The following MYO16 variants were observed in gnomAD, a reference collection of about 807,000 sequenced individuals.
MYO16 encodes unconventional myosin-XVI.
In MYO16, 94 loss-of-function variants were observed where a neutral mutation model predicts 205.3. The observed-to-expected ratio is 0.46, with a 90% CI of 0.39 to 0.54. The LOEUF (loss-of-function observed/expected upper bound fraction) is 0.54. Among genes scored for constraint, MYO16 ranks in the 20% least tolerant of loss-of-function variants. MYO16 has a pLI of 0.00. For synonymous variants in MYO16, 988 were observed against 954.0 expected, an observed-to-expected ratio of 1.04 and a Z score of -0.66; for missense variants, 2,315 against 2,387.5, an observed-to-expected ratio of 0.97 and a Z score of 0.63.
chr13:108,598,133 G>A (rs9587626), intron 1 of MYO16, among the ~76,000 whole-genome samples: 39,150 of 152,084 alleles, frequency 0.26, 5,169 homozygotes, highest in Middle Eastern at 0.33. Flanking sequence ...CAATATCAGC[G>A]TTACTTTCAT....
chr13:109,190,149 A>G (rs1047489215), intron 34 of MYO16, among the ~76,000 whole-genome samples: 1 of 152,196 alleles, frequency 6.6e-6, no homozygotes, highest in East Asian at 1.9e-4. Context: ...TTAAGGAAAA[A>G]AAAATTATTT....
intron 27 of MYO16, among the ~76,000 whole-genome samples, chr13:109,096,680 T>C (rs985437730): frequency 1.3e-5 from 2 of 152,206 alleles, no homozygotes; most frequent in South Asian, 4.1e-4. Flanking sequence ...ATCAGTTATT[T>C]AAACTTGCTA....
chr13:109,116,235 G>A (rs1231699289), intron 28 of MYO16, among the ~76,000 whole-genome samples: 7 of 152,120 alleles, frequency 4.6e-5, no homozygotes, highest in Middle Eastern at 3.2e-3. Context: ...CTTGTATTGT[G>A]ACTTCAGATC....
chr13:108,924,337 C>G (rs1881883343), intron 16 of MYO16, among the ~76,000 whole-genome samples: 1 of 152,170 alleles, frequency 6.6e-6, no homozygotes, highest in African/African-American at 2.4e-5. Context: ...TCCTGCTTTT[C>G]TGAGTCACGG....
At chr13:109,039,046 C>G (rs1886802236) in intron 23 of MYO16, among the ~76,000 whole-genome samples, 1 of 152,178 alleles carries the variant, frequency 6.6e-6, no homozygotes, top group Admixed American at 6.5e-5. Flanking sequence ...CACTGCTCAT[C>G]CCACAGCCAG....
At chr13:108,934,987 G>A (rs1023031607) in intron 16 of MYO16, among the ~76,000 whole-genome samples, 3 of 152,216 alleles carry the variant, frequency 2.0e-5, no homozygotes, top group Non-Finnish European at 2.9e-5. Flanking sequence ...CTATGTGTCT[G>A]TTTTTGTACC....
chr13:108,854,262 T>G (rs1878053712), intron 10 of MYO16, among the ~76,000 whole-genome samples: 1 of 152,102 alleles, frequency 6.6e-6, no homozygotes, highest in Non-Finnish European at 1.5e-5. Flanking sequence ...CTCCCTGTGC[T>G]GGGATTACAG....
At chr13:109,092,405 A>T (rs373506436) in intron 27 of MYO16, among the ~76,000 whole-genome samples, 2 of 152,248 alleles carry the variant, frequency 1.3e-5, no homozygotes, top group African/African-American at 4.8e-5. Context: ...GCAGCCATAA[A>T]AAAGAATGAG....
intron 20 of MYO16, among the ~76,000 whole-genome samples, chr13:108,976,954 C>G (rs982113703): frequency 2.6e-5 from 4 of 152,126 alleles, no homozygotes; most frequent in African/African-American, 9.7e-5. Context: ...CAACTAAAAG[C>G]CAAGATTCCT....
intron 23 of MYO16, among the ~76,000 whole-genome samples, chr13:109,033,144 C>T (rs1390951006): frequency 6.6e-6 from 1 of 152,132 alleles, no homozygotes; most frequent in Non-Finnish European, 1.5e-5. Context: ...TGTGCACTTA[C>T]TGAACTACAG....
intron 11 of MYO16, among the ~76,000 whole-genome samples, chr13:108,859,681 A>C (rs1168585432): frequency 1.3e-5 from 2 of 152,214 alleles, no homozygotes; most frequent in Non-Finnish European, 2.9e-5. Context: ...CAAGCGTTGC[A>C]TTCTCTGAAT....
At chr13:108,631,551 T>C (rs1490459694) in intron 1 of MYO16, among the ~76,000 whole-genome samples, 1 of 152,194 alleles carries the variant, frequency 6.6e-6, no homozygotes, top group Non-Finnish European at 1.5e-5. Flanking sequence ...TCCTGATGCA[T>C]TTCTGAAAGT....
intron 1 of MYO16, among the ~76,000 whole-genome samples, chr13:108,649,662 A>G (rs150139906): frequency 1.4e-4 from 22 of 152,356 alleles, no homozygotes; most frequent in African/African-American, 5.0e-4. Flanking sequence ...TTATTTGTAT[A>G]CCATTATTCT....
intron 27 of MYO16, among the ~76,000 whole-genome samples, chr13:109,100,402 T>C (rs772151980): frequency 6.6e-5 from 10 of 152,208 alleles, no homozygotes; most frequent in Admixed American, 1.3e-4. Flanking sequence ...CACGCTTAAG[T>C]GGCCATAAAG....
At chr13:108,606,978 G>C (rs1280082563) in intron 1 of MYO16, among the ~76,000 whole-genome samples, 1 of 152,212 alleles carries the variant, frequency 6.6e-6, no homozygotes, top group Non-Finnish European at 1.5e-5. Flanking sequence ...TAACTTTAAA[G>C]TTTAATGATT....
intron 27 of MYO16, among the ~76,000 whole-genome samples, chr13:109,080,379 C>T (rs576118386): frequency 2.0e-5 from 3 of 152,030 alleles, no homozygotes; most frequent in South Asian, 2.1e-4. Context: ...GAAGTGGAGG[C>T]GAGTCCTATA....
intron 2 of MYO16, among the ~76,000 whole-genome samples, chr13:108,692,821 A>C (rs1882950139): frequency 6.6e-6 from 1 of 152,188 alleles, no homozygotes; most frequent in Non-Finnish European, 1.5e-5. Flanking sequence ...TGAGCATGTG[A>C]CTTATCTGAC....
At position 108,807,692 on chromosome 13, in the gene MYO16, G is replaced by A. The variant is rs534349907; in HGVS notation, c.867+888G>A. On this transcript the variant is annotated intron_variant, in intron 7 of 34. Transcript: ENST00000457511. ...CATGATGCTTTTAAATTTCTGAGCCGTCCATTGTACTGTCTCCTCCACCAG... is the reference window on the plus strand; with the variant it reads ...CATGATGCTTTTAAATTTCTGAGCCATCCATTGTACTGTCTCCTCCACCAG... Among the ~76,000 whole-genome samples the A allele has an allele frequency of 1.1e-4, 16 of 152,156 alleles. 1 individual carries two copies. The highest frequency in any genetic ancestry group is 3.4e-4 in the African/African-American group (14 of 41,510).
intron 27 of MYO16, among the ~76,000 whole-genome samples, chr13:109,076,346 G>C (rs4408409): frequency 6.6e-6 from 1 of 151,808 alleles, no homozygotes; most frequent in African/African-American, 2.4e-5. Flanking sequence ...GCTTAGATTA[G>C]TGATAGGAAA....
Sources: gnomAD v4.1 joint callset for allele counts (sites outside exome capture counted in the v4.1 genomes callset) on GRCh38, gnomAD v4.1.1 for gene constraint, MANE v1.5 for transcripts, NCBI Gene and HGNC (gene_info 2026-07-23, HGNC 2026-07-21) for gene names.